KCNMA1: variants seen among roughly 807,000 people sequenced by gnomAD.
KCNMA1 encodes the protein Calcium-activated potassium channel subunit alpha-1.
Under a neutral mutation model 140.0 loss-of-function variants are expected in KCNMA1, and 29 were observed. The observed-to-expected ratio is 0.21, with a 90% CI of 0.15 to 0.28. The LOEUF (loss-of-function observed/expected upper bound fraction) is 0.28. Among genes scored for constraint, KCNMA1 ranks in the 10% least tolerant of loss-of-function variants. The probability of loss-of-function intolerance (pLI) is 1.00; values close to 1 mark genes in which losing one functional copy is unlikely to be tolerated. For synonymous variants in KCNMA1, 612 were observed against 611.9 expected (o/e 1.00, Z 0.00); for missense variants, 880 against 1,602.2 (o/e 0.55, Z 7.70).
At chr10:77,088,812 A>T (rs1042776567) in intron 10 of KCNMA1, among the ~76,000 whole-genome samples, 4 of 152,180 alleles carry the variant, frequency 2.6e-5, no homozygotes, top group Admixed American at 2.6e-4. Context: ...ACCCATGACA[A>T]GTCATACCTC....
intron 3 of KCNMA1, among the ~76,000 whole-genome samples, chr10:77,223,515 C>A (rs376165532): frequency 6.6e-6 from 1 of 152,086 alleles, no homozygotes; most frequent in East Asian, 1.9e-4. Flanking sequence ...AATGAGAATC[C>A]CATGACATCC....
At chr10:77,401,815 C>G (rs1019253720) in intron 2 of KCNMA1, among the ~76,000 whole-genome samples, 3 of 152,190 alleles carry the variant, frequency 2.0e-5, no homozygotes, top group African/African-American at 7.2e-5. Context: ...GAAAGCTTTT[C>G]TGATCAGCCC....
At chr10:77,018,860 A>C (rs1334683371) in intron 17 of KCNMA1, among the ~76,000 whole-genome samples, 153 bp downstream of exon 17, 1 of 152,128 alleles carries the variant, frequency 6.6e-6, no homozygotes, top group Non-Finnish European at 1.5e-5. Flanking sequence ...GGAATTCACT[A>C]CATGAACTGG....
At chr10:77,021,652 T>C (rs768626217) in intron 16 of KCNMA1, among the ~76,000 whole-genome samples, 2 of 152,216 alleles carry the variant, frequency 1.3e-5, no homozygotes, top group African/African-American at 4.8e-5. Flanking sequence ...CTATGGCTGA[T>C]TGTGTAAGGA....
At chr10:76,880,061 A>C (rs1199271970), downstream of KCNMA1, among the ~76,000 whole-genome samples, 2 of 152,210 alleles carry the variant, frequency 1.3e-5, no homozygotes, top group Admixed American at 6.5e-5. Context: ...GCCAGGTTGG[A>C]AGAGTGAACT....
intron 12 of KCNMA1, among the ~76,000 whole-genome samples, chr10:77,081,021 G>A (rs1273141320): frequency 6.6e-6 from 1 of 152,080 alleles, no homozygotes; most frequent in African/African-American, 2.4e-5. Context: ...ATGATCTGGT[G>A]GAAAATTGTC....
In KCNMA1 at chr10:77,637,506, G is replaced by A; in HGVS notation, c.137C>T (p.Ser46Phe). ...LDASSSSSSS[S>F]SSSSSSSSSS... The stretch of plus-strand genomic sequence containing the variant: ...GGAGGAGGAAGAAGAAGAAGAGGAA[G>A]AGGAGGAGGAGGAGGAGGAGGACGC... Residue 46 changes from serine (S) to phenylalanine (F), a missense_variant, in exon 1 of 28, where the codon TCT (serine) becomes TTT (phenylalanine). Physicochemically the swap from Ser to Phe is radical, Grantham distance 155. Transcript: ENST00000286628. 2 of 1,412,788 alleles carry A rather than the reference G, an allele frequency of 1.4e-6. No homozygotes were observed. Among genetic ancestry groups the A allele is most frequent in the Non-Finnish European group, 2.0e-6 (2 of 1,024,468 alleles). The allele number at this position is 1,412,788 out of a possible 1,614,324, so 87.5% of individuals were successfully genotyped here.
At chr10:77,158,700 T>C (rs2098519287) in intron 5 of KCNMA1, among the ~76,000 whole-genome samples, 1 of 152,126 alleles carries the variant, frequency 6.6e-6, no homozygotes, top group African/African-American at 2.4e-5. Flanking sequence ...GAGGAAGGTT[T>C]CCCAGCAGAG....
At chr10:77,404,044 A>G in intron 1 of KCNMA1, 21 bp from the exon 2 acceptor site, 1 of 1,613,244 alleles carries the variant, frequency 6.2e-7, no homozygotes, top group Non-Finnish European at 8.5e-7. Context: ...AGAGAGCAAG[A>G]GTTAAGACAT....
chr10:77,216,469 G>A (rs2047821159), intron 3 of KCNMA1, among the ~76,000 whole-genome samples: 1 of 152,108 alleles, frequency 6.6e-6, no homozygotes, highest in African/African-American at 2.4e-5. Context: ...TTAGTCTATG[G>A]AATCTAAGTT....
At chr10:76,916,041 C>T (rs1252059900) in intron 23 of KCNMA1, among the ~76,000 whole-genome samples, 1 of 151,558 alleles carries the variant, frequency 6.6e-6, no homozygotes, top group African/African-American at 2.4e-5. Flanking sequence ...CACACACACA[C>T]ACACATACAC....
At chr10:77,229,356 A>C (rs1035722373) in intron 3 of KCNMA1, among the ~76,000 whole-genome samples, 1 of 130,146 alleles carries the variant, frequency 7.7e-6, no homozygotes, top group African/African-American at 2.9e-5. Context: ...AAAAAAAAAA[A>C]CTTTCTATAA....
chr10:77,097,203 G>A (rs112686312), intron 9 of KCNMA1, among the ~76,000 whole-genome samples: 3 of 152,090 alleles, frequency 2.0e-5, no homozygotes, highest in African/African-American at 7.2e-5. Context: ...TGTCCTTCAG[G>A]GTTACTGTTT....
At chr10:76,947,566 C>A (rs1246569594) in intron 22 of KCNMA1, among the ~76,000 whole-genome samples, 1 of 152,116 alleles carries the variant, frequency 6.6e-6, no homozygotes, top group African/African-American at 2.4e-5. Context: ...GAAAGATAAC[C>A]ATGGAATCAT....
At chr10:77,356,002 C>T (rs1431306799) in intron 2 of KCNMA1, among the ~76,000 whole-genome samples, 1 of 152,226 alleles carries the variant, frequency 6.6e-6, no homozygotes, top group African/African-American at 2.4e-5. Flanking sequence ...TCTAATGTCC[C>T]TTCTGTCTCC....
intron 6 of KCNMA1, among the ~76,000 whole-genome samples, chr10:77,116,046 T>C (rs1050622066): frequency 3.9e-5 from 6 of 152,172 alleles, no homozygotes; most frequent in African/African-American, 1.2e-4. Context: ...TGTGTGGAGA[T>C]AGTCATAGCC....
At chr10:77,497,015 C>T (rs556728315) in intron 1 of KCNMA1, among the ~76,000 whole-genome samples, 5 of 152,174 alleles carry the variant, frequency 3.3e-5, no homozygotes, top group Non-Finnish European at 7.4e-5. Context: ...ACAAAAGGAC[C>T]CAGGCGAACA....
chr10:77,571,587 A>T (rs1398077247), intron 1 of KCNMA1, among the ~76,000 whole-genome samples: 1 of 152,166 alleles, frequency 6.6e-6, no homozygotes, highest in Non-Finnish European at 1.5e-5. Flanking sequence ...CCCCCTGCAG[A>T]TGTCTGCTGG....
chr10:77,263,250 C>A (rs552674977), intron 2 of KCNMA1, among the ~76,000 whole-genome samples: 6 of 152,288 alleles, frequency 3.9e-5, no homozygotes, highest in African/African-American at 1.4e-4. Flanking sequence ...CCCATGTAGC[C>A]ACAGAGATGT....
Sources: allele counts gnomAD v4.1 joint callset (sites outside exome capture counted in the v4.1 genomes callset), GRCh38; gene constraint gnomAD v4.1.1; transcripts MANE v1.5; gene names NCBI Gene and HGNC (gene_info 2026-07-23, HGNC 2026-07-21).